KAZN: variants seen among roughly 807,000 people sequenced by gnomAD.
KAZN encodes the protein kazrin, periplakin interacting protein, also known as kazrin.
KAZN carries 40 observed loss-of-function variants against 87.4 expected under a neutral mutation model. The ratio of observed to expected loss-of-function variants is 0.46; its 90% CI spans 0.36 to 0.60. KAZN has a LOEUF of 0.60. Ranked by LOEUF, KAZN falls within the 20% of genes least tolerant of loss-of-function variation. KAZN has a pLI of 0.00. For synonymous variants in KAZN, 466 were observed against 458.3 expected (o/e 1.02, Z -0.22); for missense variants, 898 against 1,073.9 (o/e 0.84, Z 2.29).
intron 8 of KAZN, among the ~76,000 whole-genome samples, chr1:15,089,353 C>G (rs1413402956): frequency 6.6e-6 from 1 of 152,164 alleles, no homozygotes; most frequent in Non-Finnish European, 1.5e-5. Context: ...AGCCCCACCC[C>G]TCCCACCTTG....
At chr1:14,399,181 A>T (rs72645913) in intron 2 of KAZN, among the ~76,000 whole-genome samples, 22,928 of 151,602 alleles carry the variant, frequency 0.15, 1,852 homozygotes, top group East Asian at 0.23. Context: ...TTATTTATTT[A>T]TATTTATTTA....
chr1:14,909,017 C>T (rs999030995), intron 1 of KAZN, among the ~76,000 whole-genome samples: 5 of 152,060 alleles, frequency 3.3e-5, no homozygotes, highest in African/African-American at 1.2e-4. Context: ...GGAGCCAGAA[C>T]ACCTGGTCCA....
intron 1 of KAZN, among the ~76,000 whole-genome samples, chr1:14,920,276 G>GTTTTTTT (rs55641056): frequency 1.2e-4 from 11 of 94,146 alleles, no homozygotes; most frequent in African/African-American, 2.4e-4. Flanking sequence ...CCTCTTTTCT[G>GTTTTTTT]TTTTTTTTTT....
intron 2 of KAZN, among the ~76,000 whole-genome samples, chr1:14,442,538 A>G (rs182273097): frequency 7.5e-4 from 114 of 152,328 alleles, no homozygotes; most frequent in African/African-American, 1.6e-3. Flanking sequence ...TTGGGTGCCC[A>G]GAAGTAGCTC....
rs75315242 is a variant in KAZN, at chr1:15,071,261, T to G, written c.1222+5508T>G. On this transcript the variant is annotated intron_variant, in intron 8 of 14. Coordinates refer to ENST00000376030, the MANE Select transcript of KAZN (RefSeq NM_201628.3). The stretch of plus-strand genomic sequence containing the variant: ...TTTCTCTTTTTATTTTTCTTTTTTT[T>G]TCTTTTTTGAGGCAGAGTCTCACTC... Among the ~76,000 whole-genome samples, 4 of 151,342 alleles carry G rather than the reference T, an allele frequency of 2.6e-5. No homozygotes were observed. In the South Asian group the frequency reaches 6.4e-4, roughly 24 times the overall value.
chr1:14,734,369 C>G (rs114658527), intron 1 of KAZN, among the ~76,000 whole-genome samples: 5,475 of 148,490 alleles, frequency 0.037, 298 homozygotes, highest in African/African-American at 0.13. Context: ...GCAATGGCAC[C>G]ATCGGTTGAC....
chr1:15,092,052 G>GTTTTTTTTTTTTTTTTTTTTTTTTTT (rs1182724737), intron 8 of KAZN, among the ~76,000 whole-genome samples: 4 of 82,642 alleles, frequency 4.8e-5, no homozygotes, highest in African/African-American at 2.2e-4. Flanking sequence ...CAGAGGTTTT[G>GTTTTTTTTTTTTTTTTTTTTTTTTTT]TTTTTTTGTT....
At chr1:15,114,383 A>G (rs1220851148) in intron 14 of KAZN, 88 bp from the exon 15 acceptor site, 1 of 1,053,986 alleles carries the variant, frequency 9.5e-7, no homozygotes, top group Non-Finnish European at 1.4e-6. Context: ...ATCACAGAGC[A>G]ATTAGAATTG....
chr1:14,623,668 T>C (rs1242939599), intron 1 of KAZN, among the ~76,000 whole-genome samples: 1 of 152,224 alleles, frequency 6.6e-6, no homozygotes, highest in African/African-American at 2.4e-5. Context: ...TCTTTTCTAA[T>C]ATAGGTGTTT....
intron 1 of KAZN, among the ~76,000 whole-genome samples, chr1:14,705,222 A>C (rs569514057): frequency 6.6e-6 from 1 of 152,268 alleles, no homozygotes; most frequent in African/African-American, 2.4e-5. Flanking sequence ...TCTACTTATT[A>C]GGACATCAGT....
At chr1:14,091,183 G>C (rs923175443) in intron 1 of KAZN, among the ~76,000 whole-genome samples, 1 of 150,970 alleles carries the variant, frequency 6.6e-6, no homozygotes, top group African/African-American at 2.4e-5. Flanking sequence ...CCCTCCTCTT[G>C]GTATATTGCC....
At chr1:15,086,313 C>G (rs746392027) in intron 8 of KAZN, among the ~76,000 whole-genome samples, 1 of 152,126 alleles carries the variant, frequency 6.6e-6, no homozygotes, top group Admixed American at 6.6e-5. Flanking sequence ...AAGAACAATT[C>G]GGCTTGCAGT....
chr1:14,514,389 A>ATTATATATAATTATATATAT (rs1671122954), intron 2 of KAZN, among the ~76,000 whole-genome samples: 1 of 14,516 alleles, frequency 6.9e-5, no homozygotes, highest in East Asian at 7.8e-4. Flanking sequence ...TATATATATT[A>ATTATATATAATTATATATAT]TATATATTTA....
intron 1 of KAZN, among the ~76,000 whole-genome samples, chr1:14,887,268 C>A (rs530365020): frequency 1.3e-5 from 2 of 152,182 alleles, no homozygotes; most frequent in South Asian, 2.1e-4. Flanking sequence ...ATTATTTATT[C>A]TTTTCTCCCT....
At chr1:15,110,218 T>A (rs1641491921) in intron 13 of KAZN, among the ~76,000 whole-genome samples, 1 of 141,282 alleles carries the variant, frequency 7.1e-6, no homozygotes, top group African/African-American at 2.7e-5. Context: ...GGTGTTTGTG[T>A]GTGTTTGTGT....
intron 1 of KAZN, among the ~76,000 whole-genome samples, chr1:14,604,198 G>A (rs1677186329): frequency 1.3e-5 from 2 of 152,164 alleles, no homozygotes; most frequent in African/African-American, 4.8e-5. Flanking sequence ...AATATGGCAG[G>A]AGTGTCACCG....
chr1:14,306,468 G>T (rs1245826037), intron 2 of KAZN, among the ~76,000 whole-genome samples: 1 of 152,180 alleles, frequency 6.6e-6, no homozygotes, highest in Non-Finnish European at 1.5e-5. Flanking sequence ...GAAAGGACAT[G>T]AACTCAGGGT....
chr1:14,503,581 A>G (rs1432577004), intron 2 of KAZN, among the ~76,000 whole-genome samples: 1 of 149,964 alleles, frequency 6.7e-6, no homozygotes, highest in Non-Finnish European at 1.5e-5. Flanking sequence ...TTCCACATCA[A>G]AACACACAGA....
chr1:14,739,637 C>T (rs996746240), intron 1 of KAZN, among the ~76,000 whole-genome samples: 10 of 151,598 alleles, frequency 6.6e-5, no homozygotes, highest in South Asian at 2.1e-4. Context: ...TTTCACATGA[C>T]GAGAAGTCTT....
Sources: allele counts gnomAD v4.1 joint callset (sites outside exome capture counted in the v4.1 genomes callset), GRCh38; gene constraint gnomAD v4.1.1; transcripts MANE v1.5; gene names NCBI Gene and HGNC (gene_info 2026-07-23, HGNC 2026-07-21).